Variants in GKAP1 observed in about 807,000 individuals in gnomAD.
The protein encoded by GKAP1 is G kinase-anchoring protein 1.
Under a neutral mutation model 56.7 loss-of-function variants are expected in GKAP1, and 31 were observed. The observed-to-expected ratio is 0.55, with a 90% confidence interval of 0.41 to 0.74. The LOEUF is 0.74. Ranked by LOEUF, GKAP1 falls within the 30% of genes least tolerant of loss-of-function variation. The pLI is 0.00. For synonymous variants in GKAP1, 151 were observed against 138.6 expected (o/e 1.09, Z -0.63); for missense variants, 364 against 402.3 (o/e 0.90, Z 0.82).
intron 9 of GKAP1, among the ~76,000 whole-genome samples, chr9:83,750,582 A>G (rs1943372700): frequency 6.6e-6 from 1 of 152,214 alleles, no homozygotes; most frequent in African/African-American, 2.4e-5. Context: ...TCCCACCAGC[A>G]GTGAACATGT....
intron 2 of GKAP1, among the ~76,000 whole-genome samples, chr9:83,814,574 G>A (rs1030469073): frequency 7.9e-5 from 12 of 152,140 alleles, no homozygotes; most frequent in African/African-American, 2.9e-4. Flanking sequence ...GATCCTGAAA[G>A]ACAAGAGTTT....
intron 4 of GKAP1, among the ~76,000 whole-genome samples, chr9:83,797,705 C>T (rs1013291353): frequency 1.3e-5 from 2 of 152,194 alleles, no homozygotes; most frequent in African/African-American, 4.8e-5. Flanking sequence ...CTGCTCATTT[C>T]AGCAGCAATC....
chr9:83,793,054 C>T (rs554860338), intron 4 of GKAP1: 1 of 1,096,164 alleles, frequency 9.1e-7, no homozygotes, highest in Non-Finnish European at 1.2e-6. Flanking sequence ...TTTAAGCAAA[C>T]CTATAGCTCA....
intron 4 of GKAP1, among the ~76,000 whole-genome samples, chr9:83,789,659 C>T (rs190261642): frequency 6.6e-6 from 1 of 152,264 alleles, no homozygotes; most frequent in African/African-American, 2.4e-5. Context: ...CTAAGCACTA[C>T]CATACCACAC....
chr9:83,801,564 T>C (rs1944332215), intron 3 of GKAP1, among the ~76,000 whole-genome samples: 1 of 152,210 alleles, frequency 6.6e-6, no homozygotes, highest in African/African-American at 2.4e-5. Flanking sequence ...AAGTAGCTGG[T>C]TTCTGATTTG....
Position 83,743,038 on chromosome 9 carries a change from C to T in GKAP1, c.905-438G>A, listed in dbSNP as rs1943234647. On this transcript the variant is annotated intron_variant, in intron 10 of 12. Transcript: ENST00000376371. ...ATTATCCAGGTGTGGTGGCGCATGC[C>T]TGTAATCCCAACTACTTGGAAGGCT... 2.0e-5 allele frequency among the ~76,000 whole-genome samples: 3 copies of T among 151,922 alleles called. 1 individual carries two copies. In the South Asian group the frequency reaches 6.2e-4, roughly 32 times the overall value.
chr9:83,783,183 C>A (rs1215939450), intron 6 of GKAP1, among the ~76,000 whole-genome samples: 1 of 151,954 alleles, frequency 6.6e-6, no homozygotes, highest in Non-Finnish European at 1.5e-5. Context: ...AATATTTATC[C>A]TCACAGAACA....
At chr9:83,747,885 C>T (rs1943320896) in intron 10 of GKAP1, among the ~76,000 whole-genome samples, 1 of 152,178 alleles carries the variant, frequency 6.6e-6, no homozygotes, top group Non-Finnish European at 1.5e-5. Flanking sequence ...GATCTGCCCA[C>T]CTTGGCCTCC....
chr9:83,767,386 G>A (rs759860417), intron 8 of GKAP1, among the ~76,000 whole-genome samples: 18 of 150,992 alleles, frequency 1.2e-4, no homozygotes. Context: ...TTGAGACGGA[G>A]TCTTGCTCTG....
chr9:83,740,431 T>C (rs1943188046), intron 12 of GKAP1, among the ~76,000 whole-genome samples: 1 of 152,098 alleles, frequency 6.6e-6, no homozygotes, highest in Admixed American at 6.5e-5. Flanking sequence ...ATTATAGAAA[T>C]ATGGAAAGTA....
rs1441388732 is a variant in GKAP1 at position 83,804,403 on chromosome 9, G to A, written c.216+1899C>T. ...CCCGTCCGGGAGGGAGGTGGGGGGG[G>A]TCAGCCCCCCGCCCGGCCAGCCACC... On this transcript the variant is annotated intron_variant, in intron 3 of 12. Transcript: ENST00000376371. Among the ~76,000 whole-genome samples the A allele has an allele frequency of 1.5e-3, 202 of 130,878 alleles. 1 individual carries two copies. Among genetic ancestry groups the A allele is most frequent in the African/African-American group, 5.6e-3 (192 of 34,056 alleles). The allele number at this position is 130,878 out of a possible 152,430, so 85.9% of individuals were successfully genotyped here. A position where few individuals can be genotyped will look rare whatever the true frequency, so the allele number is the denominator to read the frequency against.
At chr9:83,748,021 ATATATT>A (rs934729405) in intron 10 of GKAP1, among the ~76,000 whole-genome samples, 1 of 152,078 alleles carries the variant, frequency 6.6e-6, no homozygotes, top group Admixed American at 6.6e-5. Context: ...TAATAATCAT[ATATATT>A]TATGAGGTGC....
At chr9:83,788,343 T>C (rs1587725348) in intron 5 of GKAP1, among the ~76,000 whole-genome samples, 1 of 152,202 alleles carries the variant, frequency 6.6e-6, no homozygotes, top group African/African-American at 2.4e-5. Context: ...TTTTATTCTC[T>C]CTCTTCCCTT....
At chr9:83,793,981 A>C (rs1280410853) in intron 4 of GKAP1, among the ~76,000 whole-genome samples, 1 of 152,094 alleles carries the variant, frequency 6.6e-6, no homozygotes, top group Non-Finnish European at 1.5e-5. Flanking sequence ...AGCCTGGGCA[A>C]CATGGCAAAA....
Position 83,777,478 on chromosome 9 carries a change from G to A in GKAP1, c.585+2904C>T, listed in dbSNP as rs564635545. ...TGATTTGTTGAGATTTTATAAAGAG[G>A]TATGTACAAGCACCTACTCTAGACA... On this transcript the variant is annotated intron_variant, in intron 7 of 12. Coordinates refer to ENST00000376371, the MANE Select transcript of GKAP1 (RefSeq NM_025211.4). Among the ~76,000 whole-genome samples, 4 of 152,116 alleles carry A rather than the reference G, an allele frequency of 2.6e-5. No individual in the cohort carries two copies. The East Asian group carries it at 5.8e-4, about 22-fold the overall frequency.
At chr9:83,751,614 CTTGA>C (rs1943390623) in intron 9 of GKAP1, among the ~76,000 whole-genome samples, 1 of 152,030 alleles carries the variant, frequency 6.6e-6, no homozygotes, top group African/African-American at 2.4e-5. Context: ...AGGGCTGGAA[CTTGA>C]TTTATTTTTT....
At chr9:83,773,528 T>TAAA (rs910067927) in intron 7 of GKAP1, among the ~76,000 whole-genome samples, 1 of 149,018 alleles carries the variant, frequency 6.7e-6, no homozygotes, top group East Asian at 1.9e-4. Flanking sequence ...TACAGCTGTT[T>TAAA]AAAAAAAAAA....
intron 2 of GKAP1, among the ~76,000 whole-genome samples, chr9:83,811,303 G>A (rs1944502796): frequency 6.6e-6 from 1 of 152,186 alleles, no homozygotes; most frequent in East Asian, 1.9e-4. Flanking sequence ...TAGGCATTGA[G>A]TAGTAGGTGA....
intron 8 of GKAP1, 141 bp from the exon 9 acceptor site, chr9:83,753,500 C>T (rs1943427708): frequency 3.1e-6 from 2 of 647,740 alleles, no homozygotes; most frequent in Non-Finnish European, 5.4e-6. Context: ...TACATTTCTA[C>T]TTTCACTCAA....
Sources: gnomAD v4.1 joint callset for allele counts (sites outside exome capture counted in the v4.1 genomes callset) on GRCh38, gnomAD v4.1.1 for gene constraint, MANE v1.5 for transcripts, NCBI Gene and HGNC (gene_info 2026-07-23, HGNC 2026-07-21) for gene names.